Variants in ACYP2 observed in about 807,000 individuals in gnomAD.
ACYP2 encodes acylphosphatase 2, also known as acylphosphatase-2.
A neutral mutation model predicts 11.2 loss-of-function variants in ACYP2; 12 were observed. That is an observed-to-expected ratio of 1.08 (90% CI 0.69 to 1.74). The LOEUF is 1.74. Among genes scored for constraint, ACYP2 ranks in the 40% most tolerant of loss-of-function variants. ACYP2 has a pLI of 0.00. For synonymous variants in ACYP2, 43 were observed against 32.2 expected (o/e 1.33, Z -1.13); for missense variants, 134 against 101.9 (o/e 1.31, Z -1.35).
At chr2:54,072,683 C>T (rs1677128241) in intron 4 of ACYP2, among the ~76,000 whole-genome samples, 1 of 151,768 alleles carries the variant, frequency 6.6e-6, no homozygotes, top group Non-Finnish European at 1.5e-5. Context: ...GTGCCTCAGG[C>T]TCCTGAGTAG....
At chr2:54,201,925 C>G (rs1684850765) in intron 6 of ACYP2, among the ~76,000 whole-genome samples, 1 of 151,868 alleles carries the variant, frequency 6.6e-6, no homozygotes, top group South Asian at 2.1e-4. Flanking sequence ...TCAAGCTGGT[C>G]TTAAACTCCT....
chr2:54,158,772 G>A (rs1682563379), intron 6 of ACYP2, among the ~76,000 whole-genome samples: 2 of 152,096 alleles, frequency 1.3e-5, no homozygotes, highest in Admixed American at 6.5e-5. Flanking sequence ...GCTCTCTTCT[G>A]TGCTTTTGTA....
At chr2:54,099,943 C>G (rs1381536489) in intron 4 of ACYP2, among the ~76,000 whole-genome samples, 1 of 152,178 alleles carries the variant, frequency 6.6e-6, no homozygotes, top group Non-Finnish European at 1.5e-5. Context: ...TCCACACCCT[C>G]GCCAACACTA....
chr2:54,140,356 A>G (rs1336273914), intron 6 of ACYP2, among the ~76,000 whole-genome samples: 4 of 152,184 alleles, frequency 2.6e-5, no homozygotes, highest in African/African-American at 9.7e-5. Context: ...TCATATTCCT[A>G]ATCCACATTA....
At chr2:54,276,434 G>A (rs1322570148) in intron 6 of ACYP2, among the ~76,000 whole-genome samples, 2 of 152,044 alleles carry the variant, frequency 1.3e-5, no homozygotes, top group Non-Finnish European at 2.9e-5. Flanking sequence ...TTACCATGAT[G>A]GAGTTACTAA....
intron 4 of ACYP2, among the ~76,000 whole-genome samples, chr2:54,126,518 A>C (rs1274182965): frequency 6.6e-6 from 1 of 151,522 alleles, no homozygotes; most frequent in Non-Finnish European, 1.5e-5. Context: ...TTCATTCATT[A>C]AGGAAGTTTC....
intron 6 of ACYP2, among the ~76,000 whole-genome samples, chr2:54,276,180 A>T (rs561103988): frequency 2.3e-5 from 3 of 132,612 alleles, no homozygotes; most frequent in South Asian, 2.3e-4. Flanking sequence ...AACTTCATCC[A>T]TGTCTTTACA....
intron 6 of ACYP2, among the ~76,000 whole-genome samples, chr2:54,152,555 C>T (rs1256427926): frequency 6.6e-6 from 1 of 152,204 alleles, no homozygotes; most frequent in Non-Finnish European, 1.5e-5. Context: ...ATTCATCCCT[C>T]CTTCTCTCCC....
intron 6 of ACYP2, among the ~76,000 whole-genome samples, chr2:54,176,785 T>A (rs1683481124): frequency 1.3e-5 from 2 of 152,160 alleles, no homozygotes; most frequent in African/African-American, 4.8e-5. Flanking sequence ...GCAGCCTGCA[T>A]CCAAGAATCT....
chr2:53,975,879 G>A (rs1218413440), intron 2 of ACYP2, among the ~76,000 whole-genome samples: 1 of 152,056 alleles, frequency 6.6e-6, no homozygotes, highest in African/African-American at 2.4e-5. Context: ...AGACCTGGAG[G>A]GAGACACTGA....
At chr2:54,240,735 G>A (rs1686696605) in intron 6 of ACYP2, among the ~76,000 whole-genome samples, 1 of 152,124 alleles carries the variant, frequency 6.6e-6, no homozygotes, top group Non-Finnish European at 1.5e-5. Context: ...ACGGGGTGGG[G>A]AACATAGAGA....
intron 2 of ACYP2, among the ~76,000 whole-genome samples, chr2:54,030,101 T>G (rs1175765906): frequency 6.6e-6 from 1 of 152,212 alleles, no homozygotes; most frequent in East Asian, 1.9e-4. Context: ...GTAGCTAATT[T>G]TGTTTCAATT....
In ACYP2 at chr2:54,243,309, A is replaced by G. The variant is rs551184480; in HGVS notation, c.405-61379A>G. Among the ~76,000 whole-genome samples the G allele has an allele frequency of 4.6e-5, 7 of 152,320 alleles. No individual in the cohort carries two copies. In the East Asian group the frequency reaches 1.2e-3, roughly 25 times the overall value. On this transcript the variant is annotated intron_variant, in intron 6 of 6. Transcript: ENST00000607452. ...ACTACACACCTAGGATGTGTGGTAT[A>G]GCCTATTGCTCCTATTTTACAGACC...
At chr2:54,131,561 G>A (rs1426775835) in intron 4 of ACYP2, among the ~76,000 whole-genome samples, 1 of 152,046 alleles carries the variant, frequency 6.6e-6, no homozygotes, top group Admixed American at 6.6e-5. Context: ...GGGGAGAGTT[G>A]CCTTTTTATC....
intron 6 of ACYP2, among the ~76,000 whole-genome samples, chr2:54,275,661 G>C (rs1201487966): frequency 6.6e-6 from 1 of 152,146 alleles, no homozygotes; most frequent in Admixed American, 6.5e-5. Flanking sequence ...AATCAGCTTT[G>C]TGTCTAACAA....
chr2:54,165,007 A>G (rs564217931), intron 6 of ACYP2, among the ~76,000 whole-genome samples: 3 of 152,312 alleles, frequency 2.0e-5, no homozygotes, highest in African/African-American at 7.2e-5. Context: ...GATGGCTTCC[A>G]GCTTCATCCA....
intron 1 of ACYP2, among the ~76,000 whole-genome samples, chr2:53,971,535 G>A (rs1190342074): frequency 2.0e-5 from 3 of 152,268 alleles, no homozygotes; most frequent in East Asian, 1.9e-4. Context: ...CTGAACAAAT[G>A]CTATTTGAAC....
chr2:54,032,109 G>A (rs1674616145), intron 2 of ACYP2, among the ~76,000 whole-genome samples: 1 of 152,114 alleles, frequency 6.6e-6, no homozygotes, highest in South Asian at 2.1e-4. Flanking sequence ...TTCTTTTGCT[G>A]TGCAGAAGCT....
chr2:54,048,168 G>A (rs752011224), intron 2 of ACYP2, among the ~76,000 whole-genome samples: 1 of 152,138 alleles, frequency 6.6e-6, no homozygotes, highest in African/African-American at 2.4e-5. Flanking sequence ...GCTCATGTCT[G>A]TAATCCCAGC....
Sources: allele counts gnomAD v4.1 joint callset (sites outside exome capture counted in the v4.1 genomes callset), GRCh38; gene constraint gnomAD v4.1.1; transcripts MANE v1.5; gene names NCBI Gene and HGNC (gene_info 2026-07-23, HGNC 2026-07-21).